SYT1: variants seen among roughly 807,000 people sequenced by gnomAD.
The protein encoded by SYT1 is synaptotagmin 1.
Under a neutral mutation model 44.8 loss-of-function variants are expected in SYT1, and 8 were observed. The ratio of observed to expected loss-of-function variants is 0.18; its 90% CI spans 0.10 to 0.32. SYT1 has a LOEUF of 0.32. Among genes scored for constraint, SYT1 ranks in the 10% least tolerant of loss-of-function variants. The probability of loss-of-function intolerance (pLI) is 1.00; values close to 1 mark genes in which losing one functional copy is unlikely to be tolerated. For synonymous variants in SYT1, 154 were observed against 188.8 expected (o/e 0.82, Z 1.51); for missense variants, 286 against 509.3 (o/e 0.56, Z 4.22).
At chr12:79,264,859 T>C (rs988074659) in intron 4 of SYT1, among the ~76,000 whole-genome samples, 1 of 152,222 alleles carries the variant, frequency 6.6e-6, no homozygotes, top group African/African-American at 2.4e-5. Context: ...ACTCATTCTA[T>C]TGTTTATTCA....
At chr12:79,336,471 G>A (rs1005595635) in intron 8 of SYT1, among the ~76,000 whole-genome samples, 3 of 151,374 alleles carry the variant, frequency 2.0e-5, no homozygotes, top group South Asian at 2.1e-4. Flanking sequence ...TTTTTCCTAC[G>A]GCTTTGCCTC....
chr12:79,208,669 G>A (rs144440407), intron 3 of SYT1, among the ~76,000 whole-genome samples: 101 of 152,150 alleles, frequency 6.6e-4, no homozygotes, highest in African/African-American at 2.4e-3. Context: ...TATTTAAAGG[G>A]GATTCTTAGG....
intron 9 of SYT1, among the ~76,000 whole-genome samples, chr12:79,381,088 C>T (rs1884201560): frequency 6.6e-6 from 1 of 152,144 alleles, no homozygotes; most frequent in Admixed American, 6.5e-5. Flanking sequence ...AAGTCCATGC[C>T]TTTGGCTACT....
intron 8 of SYT1, among the ~76,000 whole-genome samples, chr12:79,310,516 A>G (rs1422423484): frequency 6.6e-6 from 1 of 152,184 alleles, no homozygotes; most frequent in African/African-American, 2.4e-5. Context: ...TTGGTTCCAT[A>G]TGAACTTTAA....
At chr12:79,167,127 G>A (rs1285246431) in intron 3 of SYT1, among the ~76,000 whole-genome samples, 1 of 151,978 alleles carries the variant, frequency 6.6e-6, no homozygotes, top group Non-Finnish European at 1.5e-5. Flanking sequence ...TATGTAGAAA[G>A]GATTGAGAAT....
chr12:79,150,533 T>C (rs1029885244), intron 3 of SYT1, among the ~76,000 whole-genome samples: 1 of 152,156 alleles, frequency 6.6e-6, no homozygotes, highest in African/African-American at 2.4e-5. Context: ...GTGGACAGCA[T>C]GGAGACAGAC....
At chr12:79,444,278 C>T in intron 10 of SYT1, 72 bp downstream of exon 10, 2 of 1,567,236 alleles carry the variant, frequency 1.3e-6, no homozygotes, top group Middle Eastern at 1.7e-4. Context: ...TACACACAGA[C>T]CTTGTAAGTT....
chr12:79,025,226 G>A (rs1029583963), intron 2 of SYT1, among the ~76,000 whole-genome samples: 9 of 151,612 alleles, frequency 5.9e-5, no homozygotes, highest in Admixed American at 2.0e-4. Context: ...TTCCTCTGGA[G>A]GCAAGAAAAA....
chr12:79,242,760 G>A (rs565764692), intron 4 of SYT1, among the ~76,000 whole-genome samples: 1 of 152,260 alleles, frequency 6.6e-6, no homozygotes. Context: ...CTCCCAAAAT[G>A]CCAGTGGAAG....
At chr12:78,960,186 A>T (rs1333212915) in intron 1 of SYT1, 1 of 151,912 alleles carries the variant, frequency 6.6e-6, no homozygotes. Context: ...CCCCATTTGA[A>T]CCCATTCTTT....
intron 9 of SYT1, among the ~76,000 whole-genome samples, chr12:79,390,788 C>T (rs1307749910): frequency 1.3e-5 from 2 of 152,180 alleles, no homozygotes; most frequent in Non-Finnish European, 2.9e-5. Context: ...GTTTAATTGT[C>T]CCATTGGCTT....
rs144780002 is a variant in SYT1 at position 79,429,590 on chromosome 12, G to A, written c.929-14483G>A. Among the ~76,000 whole-genome samples the A allele has an allele frequency of 4.2e-4, 63 of 151,594 alleles. 1 individual carries two copies. The East Asian group carries it at 0.011, about 27-fold the overall frequency. ...GTCACCCAGGATGGAGTGCAGTGAC[G>A]CGATCTCGGCTCACTGCAAGCTCCG... On this transcript the variant is annotated intron_variant, in intron 9 of 10. Transcript: ENST00000261205.
intron 3 of SYT1, among the ~76,000 whole-genome samples, chr12:79,179,577 G>GATATAGATATATCTATATA (rs1872382330): frequency 6.9e-6 from 1 of 143,922 alleles, no homozygotes. Flanking sequence ...ATATAGATAT[G>GATATAGATATATCTATATA]GATATAGATA....
intron 4 of SYT1, among the ~76,000 whole-genome samples, chr12:79,253,459 T>G (rs573121668): frequency 1.6e-3 from 236 of 150,698 alleles, no homozygotes; most frequent in Middle Eastern, 3.4e-3. Context: ...ATGTTCTAAC[T>G]GTTCCACCAA....
At chr12:79,064,937 AAAGAAAG>A (rs1278684549) in intron 3 of SYT1, among the ~76,000 whole-genome samples, 2 of 104,540 alleles carry the variant, frequency 1.9e-5, no homozygotes, top group African/African-American at 3.9e-5. Flanking sequence ...AGAAAGAAAG[AAAGAAAG>A]AAAGAAAGAA....
rs374408367 is a variant in SYT1 at position 79,154,695 on chromosome 12, C to T, written c.-17-62808C>T. ...TAAATGAGGACCACATAGTAACAAACGGAGAGAACTTCAAACACTTCGTGA... is the reference window on the plus strand; with the variant it reads ...TAAATGAGGACCACATAGTAACAAATGGAGAGAACTTCAAACACTTCGTGA... On this transcript the variant is annotated intron_variant, in intron 3 of 10. Transcript: ENST00000261205. 6.3e-4 allele frequency among the ~76,000 whole-genome samples: 96 copies of T among 152,118 alleles called. 1 individual carries two copies. The highest frequency in any genetic ancestry group is 2.7e-3 in the East Asian group (14 of 5,180).
rs141719788 is a variant in SYT1, at chr12:79,172,843, T to A, written c.-17-44660T>A. On this transcript the variant is annotated intron_variant, in intron 3 of 10. Transcript: ENST00000261205. Reference sequence around the variant, plus strand: ...GCAGCATCTCCCCTTGGAAATACTATGATCATTTGATAATACTGGGTTTCA... The same window carrying A: ...GCAGCATCTCCCCTTGGAAATACTAAGATCATTTGATAATACTGGGTTTCA... 2.4e-4 allele frequency among the ~76,000 whole-genome samples: 37 copies of A among 151,554 alleles called. No homozygotes were observed. In the East Asian group the frequency reaches 6.7e-3, roughly 27 times the overall value.
At chr12:79,053,798 C>T (rs1432309125) in intron 3 of SYT1, among the ~76,000 whole-genome samples, 5 of 151,742 alleles carry the variant, frequency 3.3e-5, no homozygotes, top group Non-Finnish European at 7.4e-5. Context: ...GAGTACCATG[C>T]ATCATTTTAT....
chr12:79,052,136 A>G (rs1420279350), intron 3 of SYT1, among the ~76,000 whole-genome samples: 4 of 152,030 alleles, frequency 2.6e-5, no homozygotes, highest in Non-Finnish European at 5.9e-5. Context: ...CCATTTTCAC[A>G]ATATTGATTC....
Sources: gnomAD v4.1 joint callset for allele counts (sites outside exome capture counted in the v4.1 genomes callset) on GRCh38, gnomAD v4.1.1 for gene constraint, MANE v1.5 for transcripts, NCBI Gene and HGNC (gene_info 2026-07-23, HGNC 2026-07-21) for gene names.